PGBD2: variants seen among roughly 807,000 people sequenced by gnomAD.
The protein encoded by PGBD2 is piggyBac transposable element derived 2.
Under a neutral mutation model 8.1 loss-of-function variants are expected in PGBD2, and 6 were observed. The observed-to-expected ratio is 0.74, with a 90% CI of 0.40 to 1.46. The LOEUF (loss-of-function observed/expected upper bound fraction) is 1.46, where lower values mean the gene tolerates loss of function less well. Among genes scored for constraint, PGBD2 ranks in the 40% most tolerant of loss-of-function variants. The probability of loss-of-function intolerance (pLI) is 0.02; values close to 1 mark genes in which losing one functional copy is unlikely to be tolerated. For synonymous variants in PGBD2, 318 were observed against 272.2 expected, an observed-to-expected ratio of 1.17 and a Z score of -1.66; for missense variants, 802 against 739.0, an observed-to-expected ratio of 1.09 and a Z score of -0.99.
Position 248,917,769 on chromosome 1 carries a change from G to C in PGBD2, c.1185G>C (p.Arg395Ser), listed in dbSNP as rs1245327422. 6.2e-7 allele frequency: 1 copy of C among 1,614,146 alleles called. No individual in the cohort carries two copies. Among genetic ancestry groups the C allele is most frequent in the South Asian group, 1.1e-5 (1 of 91,082 alleles). The change falls in exon 3 of 3, where the codon AGG (arginine) becomes AGC (serine). Residue 395 changes from arginine (R) to serine (S), a missense_variant. Transcript: ENST00000329291. ...KDPKELKKMKRGSFDYKVDES... is the reference protein window; with the variant it reads ...KDPKELKKMKSGSFDYKVDES... ...CCAAAGAACTGAAAAAAATGAAGAG[G>C]GGTTCATTTGATTACAAAGTCGATG...
downstream of PGBD2, among the ~76,000 whole-genome samples, chr1:248,921,062 T>C (rs572665972): frequency 1.3e-5 from 2 of 152,188 alleles, no homozygotes; most frequent in East Asian, 3.9e-4. Context: ...ATGAGTAGAT[T>C]GCAAAAATTG....
chr1:248,886,704 G>A, the PGBD2 span, among the ~76,000 whole-genome samples: 3 of 152,204 alleles, frequency 2.0e-5, no homozygotes, highest in Non-Finnish European at 1.5e-5. Context: ...GCATGCTCCA[G>A]CTGTGTGGCC....
At chr1:248,894,803 CTTCT>C in the PGBD2 span, among the ~76,000 whole-genome samples, 7 of 143,664 alleles carry the variant, frequency 4.9e-5, no homozygotes, top group Non-Finnish European at 7.5e-5. Context: ...CTCTTTCTTT[CTTCT>C]TTCTTAGATG....
intron 2 of PGBD2, chr1:248,914,679 AC>A: frequency 9.3e-7 from 1 of 1,072,822 alleles, no homozygotes. Context: ...CTCTGTGCCT[AC>A]CCTCCATGCT....
At chr1:248,902,074 G>A (rs2103097316), upstream of PGBD2, among the ~76,000 whole-genome samples, 1 of 152,196 alleles carries the variant, frequency 6.6e-6, no homozygotes, top group East Asian at 1.9e-4. Flanking sequence ...TTCATGACCA[G>A]CCTGGCCAAC....
downstream of PGBD2, among the ~76,000 whole-genome samples, chr1:248,922,852 G>A (rs1457680126): frequency 4.6e-5 from 7 of 152,114 alleles, no homozygotes; most frequent in Admixed American, 2.6e-4. Flanking sequence ...TGCTGGACTC[G>A]GTTTGCCAGT....
At chr1:248,916,581 T>A (rs1469151224) in intron 2 of PGBD2, 21 bp from the exon 3 acceptor site, 1 of 1,607,530 alleles carries the variant, frequency 6.2e-7, no homozygotes, top group African/African-American at 1.3e-5. Flanking sequence ...CTCTTCCTGA[T>A]TCTGTTTCCT....
the PGBD2 span, among the ~76,000 whole-genome samples, chr1:248,879,182 A>G: frequency 6.6e-6 from 1 of 152,122 alleles, no homozygotes; most frequent in African/African-American, 2.4e-5. Context: ...TTTTAAATTC[A>G]TCTTGCTGTT....
chr1:248,895,783 G>C, the PGBD2 span, among the ~76,000 whole-genome samples: 2 of 151,932 alleles, frequency 1.3e-5, no homozygotes, highest in African/African-American at 4.8e-5. Context: ...CGCCTCCCAG[G>C]TTCAAGCGAT....
the PGBD2 span, among the ~76,000 whole-genome samples, chr1:248,892,487 AG>A: frequency 6.6e-6 from 1 of 151,936 alleles, no homozygotes; most frequent in African/African-American, 2.4e-5. Context: ...GGAGGCGTGA[AG>A]GTCTGGTTTC....
the PGBD2 span, among the ~76,000 whole-genome samples, chr1:248,882,127 A>C: frequency 6.6e-6 from 1 of 152,138 alleles, no homozygotes; most frequent in African/African-American, 2.4e-5. Context: ...CAGGTTGAGA[A>C]ATAATAGACA....
At position 248,907,250 on chromosome 1, in the gene PGBD2, T is replaced by C. The variant is rs533374174; in HGVS notation, c.-48+908T>C. ...TGCACGTAGGCCACATTTATGTTTC[T>C]CTCTGCCCAAACATTTCAGTGGAAT... On this transcript the variant is annotated intron_variant, in intron 1 of 2. Transcript: ENST00000329291. Among the ~76,000 whole-genome samples the C allele has an allele frequency of 2.8e-3, 420 of 152,370 alleles. 1 individual carries two copies. The highest frequency in any genetic ancestry group is 8.8e-3 in the African/African-American group (367 of 41,588).
chr1:248,900,097 CAAAAAAAA>C, the PGBD2 span, among the ~76,000 whole-genome samples: 1 of 49,472 alleles, frequency 2.0e-5, no homozygotes, highest in African/African-American at 5.2e-5. Flanking sequence ...AATAGCCTAC[CAAAAAAAA>C]AAAAAAAAAA....
At chr1:248,907,996 G>A (rs1208642208) in intron 1 of PGBD2, among the ~76,000 whole-genome samples, 1 of 152,124 alleles carries the variant, frequency 6.6e-6, no homozygotes, top group Non-Finnish European at 1.5e-5. Context: ...CAGAGTTTCA[G>A]AGTGTTGTGA....
chr1:248,882,362 G>C, the PGBD2 span, among the ~76,000 whole-genome samples: 1 of 152,150 alleles, frequency 6.6e-6, no homozygotes, highest in African/African-American at 2.4e-5. Context: ...ACAGAGATAA[G>C]AATTTACAAT....
chr1:248,929,962 G>A, the PGBD2 span, among the ~76,000 whole-genome samples: 1 of 152,200 alleles, frequency 6.6e-6, no homozygotes, highest in Non-Finnish European at 1.5e-5. Flanking sequence ...TGTCCAGAGT[G>A]AAGACCAGAG....
intron 1 of PGBD2, among the ~76,000 whole-genome samples, chr1:248,909,916 T>C (rs539144763): frequency 6.6e-6 from 1 of 152,178 alleles, no homozygotes; most frequent in Non-Finnish European, 1.5e-5. Flanking sequence ...TGAATGGCTT[T>C]GATTTTATTT....
downstream of PGBD2, among the ~76,000 whole-genome samples, chr1:248,924,469 TTA>T (rs1662346268): frequency 6.6e-6 from 1 of 152,244 alleles, no homozygotes; most frequent in African/African-American, 2.4e-5. Flanking sequence ...TACCTTGCTC[TTA>T]AGTCTTTTAG....
In PGBD2 at chr1:248,918,735, G is replaced by C. The variant is rs570572554; in HGVS notation, c.*372G>C. On this transcript the variant is annotated 3_prime_UTR_variant, in exon 3 of 3. Transcript: ENST00000329291. ...TTGCATGCCATGGTTTATAATCTAA[G>C]ATAGGCAATAGTGTATAAATATCAT... 4.8e-5 allele frequency: 8 copies of C among 167,342 alleles called. No homozygotes were observed. Among genetic ancestry groups the C allele is most frequent in the African/African-American group, 1.9e-4 (8 of 41,514 alleles). 10.4% of individuals were successfully genotyped at this position (167,342 alleles called of 1,614,324 possible).
Sources: allele counts gnomAD v4.1 joint callset (sites outside exome capture counted in the v4.1 genomes callset), GRCh38; gene constraint gnomAD v4.1.1; transcripts MANE v1.5; gene names NCBI Gene and HGNC (gene_info 2026-07-23, HGNC 2026-07-21).